GNPTAB: variants seen among roughly 807,000 people sequenced by gnomAD.
GNPTAB encodes the protein N-acetylglucosamine-1-phosphate transferase subunits alpha and beta.
In GNPTAB, 92 loss-of-function variants were observed where a neutral mutation model predicts 136.6. The observed-to-expected ratio is 0.67, with a 90% CI of 0.57 to 0.80. GNPTAB has a LOEUF of 0.80. GNPTAB is among the 30% of genes least tolerant of loss of function. The pLI is 0.00. For synonymous variants in GNPTAB, 512 were observed against 535.1 expected (o/e 0.96, Z 0.60); for missense variants, 1,343 against 1,501.8 (o/e 0.89, Z 1.75).
At chr12:101,827,402 T>G (rs1871145047) in intron 1 of GNPTAB, among the ~76,000 whole-genome samples, 1 of 151,822 alleles carries the variant, frequency 6.6e-6, no homozygotes, top group African/African-American at 2.4e-5. Context: ...CGCCCAGCCT[T>G]TATTTTTATT....
At chr12:101,824,433 T>TATATATATATA (rs1423746036) in intron 1 of GNPTAB, among the ~76,000 whole-genome samples, 146 of 90,510 alleles carry the variant, frequency 1.6e-3, no homozygotes, top group East Asian at 3.5e-3. Flanking sequence ...TATATATATA[T>TATATATATATA]TTTCTTTTTT....
chr12:101,796,977 T>C (rs992133175), intron 1 of GNPTAB, among the ~76,000 whole-genome samples: 1 of 152,172 alleles, frequency 6.6e-6, no homozygotes. Flanking sequence ...TGTCTCACCA[T>C]GCTTGGAATG....
At chr12:101,762,732 T>A (rs912428780) in intron 13 of GNPTAB, among the ~76,000 whole-genome samples, 1 of 152,038 alleles carries the variant, frequency 6.6e-6, no homozygotes, top group Admixed American at 6.5e-5. Flanking sequence ...TATACATACA[T>A]ATAGGTATGT....
At chr12:101,766,376 G>T in intron 11 of GNPTAB, 82 bp from the exon 12 acceptor site, 1 of 1,211,626 alleles carries the variant, frequency 8.3e-7, no homozygotes, top group Non-Finnish European at 1.2e-6. Flanking sequence ...GGTGGCTGAC[G>T]CCTGTAATCT....
chr12:101,746,639 C>T lies in GNPTAB; in HGVS notation c.*525G>A, dbSNP rs1420580662. On this transcript the variant is annotated 3_prime_UTR_variant, in exon 21 of 21. Transcript: ENST00000299314. ...TTGTCAATAAGAGGTGATATTGCTG[C>T]ATTATTTAAATAACATCTATAAAAA... The T allele has an allele frequency of 6.5e-6, 1 of 154,642 alleles. No homozygotes were observed. Among genetic ancestry groups the T allele is most frequent in the African/African-American group, 2.4e-5 (1 of 41,332 alleles). The allele number at this position is 154,642 out of a possible 1,614,324, so 9.6% of individuals were successfully genotyped here.
At position 101,770,511 on chromosome 12, in the gene GNPTAB, G is replaced by C. The variant is rs372546182; in HGVS notation, c.1008C>G (p.Ile336Met). 1.2e-6 allele frequency: 2 copies of C among 1,612,762 alleles called. No homozygotes were observed. Among genetic ancestry groups the C allele is most frequent in the Non-Finnish European group, 1.7e-6 (2 of 1,178,862 alleles). Reference sequence around the variant, plus strand: ...TCCGAACCCATGGTGCATGCCTCTCGATAGATCGCAATGAGTACCTCAGTT... The same window carrying C: ...TCCGAACCCATGGTGCATGCCTCTCCATAGATCGCAATGAGTACCTCAGTT... ...NEELRYSLRS[I>M]ERHAPWVRNI... Residue 336 changes from isoleucine (I) to methionine (M), a missense_variant, in exon 9 of 21, where the codon ATC becomes ATG. By Grantham distance (10) the Ile-to-Met change is conservative. Coordinates refer to ENST00000299314, the MANE Select transcript of GNPTAB (RefSeq NM_024312.5).
intron 1 of GNPTAB, 45 bp downstream of exon 1, chr12:101,830,514 T>G (rs1448353057): frequency 9.3e-7 from 1 of 1,077,978 alleles, no homozygotes; most frequent in Non-Finnish European, 1.4e-6. Context: ...GCGAGGGCAG[T>G]GCAGGGTCGA....
rs281864981 is a variant in GNPTAB at position 101,766,184 on chromosome 12, G to A, written c.1519C>T (p.Gln507Ter). The change falls in exon 12 of 21, where the codon CAG becomes TAG. Residue 507 changes from glutamine to a stop codon, truncating the protein, a stop_gained. Transcript: ENST00000299314. LOFTEE classifies it high-confidence loss of function. ...GCGAGCCAGGAATTCGCACATCCCT[G>A]ATTACAGTAAGAGACACTGTTTATT... is the stretch of plus-strand genomic sequence containing the variant. ...GGINSVSYCN[Q>*]GCANSWLADK... 6.2e-7 allele frequency: 1 copy of A among 1,614,024 alleles called. No homozygotes were observed. The highest frequency in any genetic ancestry group is 8.5e-7 in the Non-Finnish European group (1 of 1,179,936).
chr12:101,785,146 T>C (rs954968291), intron 5 of GNPTAB, among the ~76,000 whole-genome samples: 8 of 152,270 alleles, frequency 5.3e-5, no homozygotes, highest in Admixed American at 5.2e-4. Context: ...GTGAGGGTAC[T>C]CTTCTAGGTT....
intron 1 of GNPTAB, among the ~76,000 whole-genome samples, chr12:101,818,443 T>C (rs1566100433): frequency 4.0e-5 from 6 of 150,700 alleles, no homozygotes; most frequent in Admixed American, 2.7e-4. Flanking sequence ...AGTAGCACGA[T>C]CTCGGCTCAC....
chr12:101,797,019 G>A (rs765606566), intron 1 of GNPTAB, among the ~76,000 whole-genome samples: 2 of 152,130 alleles, frequency 1.3e-5, no homozygotes, highest in Non-Finnish European at 2.9e-5. Context: ...TTAAAAGGAT[G>A]TGGTATTTGA....
chr12:101,753,133 A>T (rs1348743538), intron 19 of GNPTAB, among the ~76,000 whole-genome samples: 5 of 152,124 alleles, frequency 3.3e-5, no homozygotes. Flanking sequence ...ATATGCCTGT[A>T]ATCCCAGCTA....
intron 1 of GNPTAB, among the ~76,000 whole-genome samples, chr12:101,804,331 AAGAGAG>A (rs1869816715): frequency 6.6e-6 from 1 of 152,262 alleles, no homozygotes; most frequent in Non-Finnish European, 1.5e-5. Context: ...CTAAAAGGAA[AAGAGAG>A]AAAGAGAAAA....
intron 7 of GNPTAB, among the ~76,000 whole-genome samples, chr12:101,775,422 C>T (rs1953249126): frequency 6.7e-6 from 1 of 149,812 alleles, no homozygotes; most frequent in Non-Finnish European, 1.5e-5. Context: ...TGCAGTAGCA[C>T]CATCTCGGCT....
At chr12:101,816,062 C>T (rs1870499333) in intron 1 of GNPTAB, among the ~76,000 whole-genome samples, 1 of 152,150 alleles carries the variant, frequency 6.6e-6, no homozygotes, top group African/African-American at 2.4e-5. Flanking sequence ...GGATTAAAGA[C>T]TTAAATCTAA....
chr12:101,824,433 T>TATATATA (rs1423746036), intron 1 of GNPTAB, among the ~76,000 whole-genome samples: 67 of 90,586 alleles, frequency 7.4e-4, no homozygotes, highest in East Asian at 1.2e-3. Context: ...TATATATATA[T>TATATATA]TTTCTTTTTT....
At chr12:101,794,035 G>T (rs1869141214) in intron 2 of GNPTAB, among the ~76,000 whole-genome samples, 1 of 152,128 alleles carries the variant, frequency 6.6e-6, no homozygotes, top group South Asian at 2.1e-4. Flanking sequence ...TAGAGACGGG[G>T]TTTCACTATG....
At chr12:101,757,497 TG>T in intron 17 of GNPTAB, 74 bp downstream of exon 17, 1 of 856,636 alleles carries the variant, frequency 1.2e-6, no homozygotes. Context: ...GACAAAATAT[TG>T]TAGAATTATA....
chr12:101,799,444 A>G (rs1280631532), intron 1 of GNPTAB, among the ~76,000 whole-genome samples: 1 of 152,220 alleles, frequency 6.6e-6, no homozygotes, highest in Non-Finnish European at 1.5e-5. Context: ...ATGAAATTTA[A>G]TCATGGGAAA....
Sources: gnomAD v4.1 joint callset for allele counts (sites outside exome capture counted in the v4.1 genomes callset) on GRCh38, gnomAD v4.1.1 for gene constraint, MANE v1.5 for transcripts, NCBI Gene and HGNC (gene_info 2026-07-23, HGNC 2026-07-21) for gene names.